The following PARN variants were observed in gnomAD, a reference collection of about 807,000 sequenced individuals.
PARN encodes poly(A)-specific ribonuclease, also known as poly(A)-specific ribonuclease PARN.
In PARN, 71 loss-of-function variants were observed where a neutral mutation model predicts 102.8. The observed-to-expected ratio is 0.69, with a 90% confidence interval of 0.57 to 0.84. The LOEUF is 0.84. Ranked by LOEUF, PARN falls within the 40% of genes least tolerant of loss-of-function variation. PARN has a pLI of 0.00. For missense variants in PARN, 782 were observed against 760.9 expected, an observed-to-expected ratio of 1.03 and a Z score of -0.33; for synonymous variants, 261 against 252.9, an observed-to-expected ratio of 1.03 and a Z score of -0.30.
At chr16:14,500,225 T>A (rs901861764) in intron 21 of PARN, among the ~76,000 whole-genome samples, 1 of 152,080 alleles carries the variant, frequency 6.6e-6, no homozygotes, top group Non-Finnish European at 1.5e-5. Context: ...CCGGGTAATT[T>A]AAAAATTTTT....
chr16:14,497,646 C>T (rs1213650650), intron 21 of PARN, among the ~76,000 whole-genome samples: 1 of 152,182 alleles, frequency 6.6e-6, no homozygotes, highest in African/African-American at 2.4e-5. Context: ...CGCAAACAGC[C>T]TGACAGAGCA....
chr16:14,506,683 T>G (rs1964910229), intron 21 of PARN, among the ~76,000 whole-genome samples: 1 of 152,152 alleles, frequency 6.6e-6, no homozygotes, highest in Non-Finnish European at 1.5e-5. Context: ...GTCTATAGGT[T>G]TGAAATTTTT....
In PARN at chr16:14,519,564, G is replaced by A. The variant is rs78919079; in HGVS notation, c.1480+32457C>T. On this transcript the variant is annotated intron_variant, in intron 21 of 23. Transcript: ENST00000437198. ...GAGCCTGGAACATCTTGTCATCTCAGAGGGCCAGTCAAAAGAATTCATCGG... is the reference window on the plus strand; with the variant it reads ...GAGCCTGGAACATCTTGTCATCTCAAAGGGCCAGTCAAAAGAATTCATCGG... Among the ~76,000 whole-genome samples the A allele has an allele frequency of 5.2e-3, 795 of 152,212 alleles. 45 individuals carry two copies. In the East Asian group the frequency reaches 0.13, roughly 24 times the overall value.
At chr16:14,463,002 A>C (rs1281821436) in intron 22 of PARN, among the ~76,000 whole-genome samples, 1 of 152,226 alleles carries the variant, frequency 6.6e-6, no homozygotes, top group Admixed American at 6.5e-5. Context: ...TCGATGATTC[A>C]GCAGAGGACT....
intron 21 of PARN, among the ~76,000 whole-genome samples, chr16:14,511,915 G>A (rs1310813444): frequency 1.3e-5 from 2 of 151,996 alleles, no homozygotes; most frequent in East Asian, 1.9e-4. Flanking sequence ...TGTTACCTAC[G>A]CTGGTCTTGA....
chr16:14,501,351 T>C (rs1022876580), intron 21 of PARN, among the ~76,000 whole-genome samples: 2 of 140,920 alleles, frequency 1.4e-5, no homozygotes, highest in Admixed American at 7.6e-5. Context: ...TGTGCGCCTA[T>C]AGTCCCAGCT....
chr16:14,517,419 A>G (rs1020303034), intron 21 of PARN, among the ~76,000 whole-genome samples: 4 of 152,222 alleles, frequency 2.6e-5, no homozygotes, highest in Admixed American at 6.5e-5. Flanking sequence ...CTGAGACACC[A>G]GAAGTGTGAC....
At chr16:14,621,569 T>C (rs1379539847) in intron 5 of PARN, among the ~76,000 whole-genome samples, 1 of 152,080 alleles carries the variant, frequency 6.6e-6, no homozygotes, top group African/African-American at 2.4e-5. Context: ...TCCGAGCACT[T>C]TGGGAGGCGA....
intron 21 of PARN, among the ~76,000 whole-genome samples, chr16:14,487,205 G>A (rs1011360257): frequency 2.0e-5 from 3 of 152,212 alleles, no homozygotes; most frequent in African/African-American, 4.8e-5. Context: ...ACTGAGCATC[G>A]GAGAAACTAA....
At chr16:14,462,149 A>G (rs1373015115) in intron 22 of PARN, among the ~76,000 whole-genome samples, 2 of 152,220 alleles carry the variant, frequency 1.3e-5, no homozygotes, top group Non-Finnish European at 2.9e-5. Context: ...TTGAAAAATT[A>G]ATGTCCTTAT....
chr16:14,629,786 C>T (rs1972918550), intron 1 of PARN, 112 bp from the exon 2 acceptor site: 1 of 839,698 alleles, frequency 1.2e-6, no homozygotes, highest in Admixed American at 1.9e-5. Flanking sequence ...GGGAAAAGTC[C>T]CGGAGGTGTG....
intron 21 of PARN, among the ~76,000 whole-genome samples, chr16:14,502,212 G>A (rs576325395): frequency 1.3e-5 from 2 of 152,256 alleles, no homozygotes; most frequent in Admixed American, 6.5e-5. Context: ...TCACGCATGG[G>A]GCAAGGGGTG....
At chr16:14,586,257 G>T in intron 14 of PARN, 61 bp downstream of exon 14, 1 of 918,068 alleles carries the variant, frequency 1.1e-6, no homozygotes, top group Non-Finnish European at 1.8e-6. Context: ...GATTATAGGT[G>T]TGAGCCACCG....
intron 18 of PARN, among the ~76,000 whole-genome samples, chr16:14,563,772 CA>C (rs1968257960): frequency 6.6e-6 from 1 of 150,790 alleles, no homozygotes; most frequent in African/African-American, 2.4e-5. Flanking sequence ...ACACTGATCT[CA>C]ATTAGTAAAT....
At chr16:14,598,056 CT>C (rs909172236) in intron 12 of PARN, among the ~76,000 whole-genome samples, 2 of 152,004 alleles carry the variant, frequency 1.3e-5, no homozygotes, top group African/African-American at 4.8e-5. Flanking sequence ...AGGCAGGAGA[CT>C]TGCTTGAACC....
intron 3 of PARN, 132 bp downstream of exon 3, chr16:14,628,040 T>A (rs1313669980): frequency 4.5e-6 from 3 of 666,844 alleles, no homozygotes; most frequent in Non-Finnish European, 7.9e-6. Flanking sequence ...AAAAATCACT[T>A]CATGGCTAGG....
intron 17 of PARN, among the ~76,000 whole-genome samples, chr16:14,581,482 G>A (rs1969530575): frequency 6.6e-6 from 1 of 152,110 alleles, no homozygotes; most frequent in Admixed American, 6.6e-5. Flanking sequence ...TTGGGTGAGT[G>A]GATCCCAAGG....
At chr16:14,597,660 G>A (rs1044725962) in intron 12 of PARN, among the ~76,000 whole-genome samples, 7 of 151,520 alleles carry the variant, frequency 4.6e-5, no homozygotes, top group Admixed American at 6.6e-5. Flanking sequence ...TCGCGCCACC[G>A]CGCTCCAGCG....
rs918404873 is a variant in PARN at position 14,586,139 on chromosome 16, G to A, written c.962+179C>T. 1.2e-4 allele frequency among the ~76,000 whole-genome samples: 18 copies of A among 151,862 alleles called. No homozygotes were observed. In the South Asian group the frequency reaches 3.7e-3, roughly 32 times the overall value. On this transcript the variant is annotated intron_variant, in intron 14 of 23. Transcript: ENST00000437198. ...GACCACACGTATCCCACCACACCCA[G>A]CTAATTTTTTATTTTTTATAGATAT...
Sources: allele counts gnomAD v4.1 joint callset (sites outside exome capture counted in the v4.1 genomes callset), GRCh38; gene constraint gnomAD v4.1.1; transcripts MANE v1.5; gene names NCBI Gene and HGNC (gene_info 2026-07-23, HGNC 2026-07-21).